TTC28: variants seen among roughly 807,000 people sequenced by gnomAD.
TTC28 encodes tetratricopeptide repeat domain 28.
TTC28 carries 61 observed loss-of-function variants against 198.0 expected under a neutral mutation model. The observed-to-expected ratio is 0.31, with a 90% CI of 0.25 to 0.38. The LOEUF is 0.38. TTC28 is among the 10% of genes least tolerant of loss of function. The pLI, the probability that TTC28 is intolerant of heterozygous loss-of-function variation, is 1.00. For synonymous variants in TTC28, 1,171 were observed against 1,297.8 expected (o/e 0.90, Z 2.10); for missense variants, 2,678 against 3,164.0 (o/e 0.85, Z 3.69).
chr22:28,273,868 T>A (rs886687929), intron 5 of TTC28, among the ~76,000 whole-genome samples: 7 of 152,018 alleles, frequency 4.6e-5, no homozygotes, highest in Non-Finnish European at 7.4e-5. Flanking sequence ...CTATCTTCAA[T>A]AACAACAACA....
chr22:28,468,899 G>A (rs909902190), intron 2 of TTC28, among the ~76,000 whole-genome samples: 8 of 151,822 alleles, frequency 5.3e-5, no homozygotes, highest in African/African-American at 1.7e-4. Flanking sequence ...AAGAGCAAAG[G>A]GATGATAATC....
chr22:28,569,167 T>TA (rs1241767526), intron 2 of TTC28, among the ~76,000 whole-genome samples: 2 of 146,976 alleles, frequency 1.4e-5, no homozygotes, highest in Non-Finnish European at 1.5e-5. Context: ...AATAAATAAA[T>TA]AAATAAATAA....
intron 12 of TTC28, among the ~76,000 whole-genome samples, chr22:28,088,057 G>C (rs1350707995): frequency 6.6e-6 from 1 of 152,150 alleles, no homozygotes; most frequent in Non-Finnish European, 1.5e-5. Flanking sequence ...TGGATAGGAA[G>C]AATCATTATT....
chr22:28,322,583 G>C lies in TTC28; in HGVS notation c.382-15940C>G, dbSNP rs181436408. On this transcript the variant is annotated intron_variant, in intron 2 of 22. Transcript: ENST00000397906. ...GATGAGCCACCTCAAAAAATAGAGC[G>C]TAACAGTGAAAGAATCACTTCTGTT... Among the ~76,000 whole-genome samples the C allele has an allele frequency of 1.2e-3, 188 of 152,192 alleles. 1 individual carries two copies. The highest frequency in any genetic ancestry group is 2.2e-3 in the Non-Finnish European group (152 of 68,000).
intron 14 of TTC28, chr22:28,008,613 G>A (rs1355200384): frequency 6.6e-6 from 1 of 152,244 alleles, no homozygotes; most frequent in African/African-American, 2.4e-5. Context: ...ACTAGAGCAA[G>A]TCTAAACTCC....
intron 6 of TTC28, among the ~76,000 whole-genome samples, chr22:28,109,923 A>C (rs1292625874): frequency 6.6e-6 from 1 of 152,250 alleles, no homozygotes; most frequent in East Asian, 1.9e-4. Context: ...TCTGAGAAAG[A>C]AAGCTGTGAA....
chr22:28,256,442 C>T (rs909344493), intron 5 of TTC28, among the ~76,000 whole-genome samples: 7 of 146,572 alleles, frequency 4.8e-5, no homozygotes, highest in Non-Finnish European at 9.0e-5. Flanking sequence ...AAAAAAAATA[C>T]GAGAGACTTG....
chr22:28,250,481 CTG>C lies in TTC28; in HGVS notation c.933+45715_933+45716del, dbSNP rs557135073. Among the ~76,000 whole-genome samples, 26 of 152,246 alleles carry C rather than the reference CTG, an allele frequency of 1.7e-4. No homozygotes were observed. The East Asian group carries it at 5.0e-3, about 29-fold the overall frequency. On this transcript the variant is annotated intron_variant, in intron 5 of 22. Coordinates refer to ENST00000397906, the MANE Select transcript of TTC28 (RefSeq NM_001145418.2). ...TATCCGTAAGAGGTATCTGTGGTAT[CTG>C]TGGGAGGTTGTTTCCAGGACTTACC...
intron 2 of TTC28, among the ~76,000 whole-genome samples, chr22:28,309,086 G>T (rs755871008): frequency 3.3e-5 from 5 of 152,150 alleles, no homozygotes; most frequent in African/African-American, 7.2e-5. Context: ...TAGATTGTAA[G>T]TTATTGAAAT....
chr22:28,199,530 C>CATATATAT (rs10689151), intron 5 of TTC28, among the ~76,000 whole-genome samples: 1,513 of 138,940 alleles, frequency 0.011, 27 homozygotes, highest in South Asian at 0.051. Flanking sequence ...AATACCTATA[C>CATATATAT]ATATATATAT....
At chr22:28,493,907 A>G (rs2048414827) in intron 2 of TTC28, among the ~76,000 whole-genome samples, 1 of 152,232 alleles carries the variant, frequency 6.6e-6, no homozygotes, top group South Asian at 2.1e-4. Context: ...GAAGGGAAAG[A>G]GAGAAAGATA....
intron 2 of TTC28, among the ~76,000 whole-genome samples, chr22:28,504,413 CACATATAT>C (rs1413625695): frequency 2.0e-5 from 3 of 151,908 alleles, no homozygotes; most frequent in Admixed American, 6.6e-5. Context: ...ATCTCATATA[CACATATAT>C]ACATACATAC....
chr22:28,116,031 T>C (rs140967736), intron 6 of TTC28, among the ~76,000 whole-genome samples: 28 of 152,344 alleles, frequency 1.8e-4, no homozygotes, highest in African/African-American at 6.3e-4. Context: ...ATGTATTATT[T>C]ATTTGCTATA....
chr22:28,085,293 T>A (rs960360327), intron 12 of TTC28, among the ~76,000 whole-genome samples: 1 of 152,080 alleles, frequency 6.6e-6, no homozygotes, highest in Non-Finnish European at 1.5e-5. Flanking sequence ...GGGAAGCCCA[T>A]CAGACTAACA....
At chr22:28,540,871 T>A (rs1415467628) in intron 2 of TTC28, among the ~76,000 whole-genome samples, 1 of 152,176 alleles carries the variant, frequency 6.6e-6, no homozygotes, top group Non-Finnish European at 1.5e-5. Flanking sequence ...CATAAGTCAA[T>A]GGACAGGTAA....
intron 2 of TTC28, among the ~76,000 whole-genome samples, chr22:28,314,081 G>A (rs10247292): frequency 8.5e-5 from 13 of 152,220 alleles, no homozygotes; most frequent in African/African-American, 2.9e-4. Flanking sequence ...GACAAACAGA[G>A]AGCCAAATCA....
intron 5 of TTC28, among the ~76,000 whole-genome samples, chr22:28,232,394 T>C (rs1222401671): frequency 6.6e-6 from 1 of 152,234 alleles, no homozygotes; most frequent in Non-Finnish European, 1.5e-5. Flanking sequence ...CTTTCAGGCA[T>C]AGGAGCTCAT....
intron 2 of TTC28, among the ~76,000 whole-genome samples, chr22:28,318,009 T>A (rs1250717122): frequency 2.0e-5 from 3 of 151,832 alleles, no homozygotes; most frequent in Non-Finnish European, 4.4e-5. Context: ...GCTCAAGTGA[T>A]CCTCCCAACT....
At chr22:28,212,411 T>A in intron 5 of TTC28, among the ~76,000 whole-genome samples, 1 of 133,394 alleles carries the variant, frequency 7.5e-6, no homozygotes, top group Non-Finnish European at 1.7e-5. Flanking sequence ...GAGAGAAGAG[T>A]CAAATAGATG....
Sources: gnomAD v4.1 joint callset for allele counts (sites outside exome capture counted in the v4.1 genomes callset) on GRCh38, gnomAD v4.1.1 for gene constraint, MANE v1.5 for transcripts, NCBI Gene and HGNC (gene_info 2026-07-23, HGNC 2026-07-21) for gene names.